The following CDH13 variants were observed in gnomAD, a reference collection of about 807,000 sequenced individuals.
CDH13 encodes the protein cadherin 13.
CDH13 carries 24 observed loss-of-function variants against 63.8 expected under a neutral mutation model. The ratio of observed to expected loss-of-function variants is 0.38; its 90% CI spans 0.27 to 0.53. CDH13 has a LOEUF of 0.53. Ranked by LOEUF, CDH13 falls within the 20% of genes least tolerant of loss-of-function variation. The pLI is 0.85. For synonymous variants in CDH13, 503 were observed against 355.3 expected (o/e 1.42, Z -4.67); for missense variants, 1,049 against 903.1 (o/e 1.16, Z -2.07).
chr16:83,583,191 G>A (rs141858281), intron 7 of CDH13, among the ~76,000 whole-genome samples: 1,929 of 152,188 alleles, frequency 0.013, 10 homozygotes, highest in Non-Finnish European at 0.018. Flanking sequence ...CTCCTATAAG[G>A]ATACTTGTAG....
chr16:82,864,656 C>T (rs975308693), intron 2 of CDH13, among the ~76,000 whole-genome samples: 4 of 152,180 alleles, frequency 2.6e-5, no homozygotes, highest in African/African-American at 9.7e-5. Context: ...TTATGGGAAT[C>T]ATGGGGATTA....
At chr16:83,308,164 T>G (rs982400300) in intron 5 of CDH13, among the ~76,000 whole-genome samples, 2 of 152,218 alleles carry the variant, frequency 1.3e-5, no homozygotes, top group South Asian at 2.1e-4. Flanking sequence ...ATATATTTTT[T>G]TTGTTGTTCT....
At chr16:83,063,861 C>T (rs2031787376) in intron 3 of CDH13, among the ~76,000 whole-genome samples, 1 of 152,084 alleles carries the variant, frequency 6.6e-6, no homozygotes, top group Non-Finnish European at 1.5e-5. Context: ...CTTCTTACAA[C>T]TTCAAAGGCA....
intron 1 of CDH13, among the ~76,000 whole-genome samples, chr16:82,807,088 C>G (rs990383414): frequency 1.4e-5 from 2 of 139,258 alleles, no homozygotes; most frequent in Non-Finnish European, 3.1e-5. Context: ...GGGATCATGC[C>G]TTTTTTTTTT....
chr16:82,810,992 C>G (rs1282809978), intron 1 of CDH13, among the ~76,000 whole-genome samples: 1 of 152,098 alleles, frequency 6.6e-6, no homozygotes, highest in Non-Finnish European at 1.5e-5. Flanking sequence ...TCTGCTGAAG[C>G]CTGGGCAGTC....
intron 2 of CDH13, among the ~76,000 whole-genome samples, chr16:82,987,572 T>C (rs1484596163): frequency 6.6e-6 from 1 of 152,180 alleles, no homozygotes; most frequent in Non-Finnish European, 1.5e-5. Context: ...AGACTGAGTT[T>C]CACTATGTTG....
At chr16:82,679,461 G>C (rs531067040) in intron 1 of CDH13, among the ~76,000 whole-genome samples, 2 of 152,322 alleles carry the variant, frequency 1.3e-5, no homozygotes, top group East Asian at 1.9e-4. Context: ...TGTGAGCATG[G>C]AAGGCTTAAA....
At position 82,803,183 on chromosome 16, in the gene CDH13, C is replaced by G. The variant is rs143952278; in HGVS notation, c.46-55179C>G. ...CTGGATAGGTCTAGGCTACTCTCAG[C>G]TTACCTACCATGTCTTTGTAAGATG... On this transcript the variant is annotated intron_variant, in intron 1 of 13. Transcript: ENST00000567109. Among the ~76,000 whole-genome samples, 637 of 152,312 alleles carry G rather than the reference C, an allele frequency of 4.2e-3. 4 individuals carry two copies. The highest frequency in any genetic ancestry group is 0.014 in the African/African-American group (596 of 41,568).
At chr16:82,854,218 T>G (rs963480350) in intron 1 of CDH13, among the ~76,000 whole-genome samples, 72 of 152,040 alleles carry the variant, frequency 4.7e-4, no homozygotes, top group Admixed American at 3.0e-3. Context: ...GCCAACATGT[T>G]GAAACTCTGT....
chr16:83,433,693 C>A (rs560009924), intron 6 of CDH13, among the ~76,000 whole-genome samples: 1 of 152,146 alleles, frequency 6.6e-6, no homozygotes, highest in Non-Finnish European at 1.5e-5. Context: ...TTGTGTGGAC[C>A]CGGTGACAAA....
At chr16:83,548,621 G>T (rs112665403) in intron 7 of CDH13, among the ~76,000 whole-genome samples, 3,188 of 152,256 alleles carry the variant, frequency 0.021, 131 homozygotes, top group African/African-American at 0.073. Context: ...GGGGTATGTG[G>T]TGTCAATGGA....
At chr16:82,831,559 G>T (rs1339346807) in intron 1 of CDH13, among the ~76,000 whole-genome samples, 1 of 152,124 alleles carries the variant, frequency 6.6e-6, no homozygotes, top group African/African-American at 2.4e-5. Flanking sequence ...CAATAAAGGG[G>T]CTGAGGTGAG....
intron 2 of CDH13, among the ~76,000 whole-genome samples, chr16:83,024,298 A>G (rs866751655): frequency 1.3e-5 from 2 of 152,234 alleles, no homozygotes; most frequent in African/African-American, 4.8e-5. Flanking sequence ...ATTTGAAAAA[A>G]TACCTGGCAT....
At chr16:83,206,298 C>T (rs4782754) in intron 4 of CDH13, among the ~76,000 whole-genome samples, 144,306 of 152,310 alleles carry the variant, frequency 0.95, 68,620 homozygotes, top group Non-Finnish European at 0.99. Context: ...CTTCCCTCTG[C>T]ACCATCTCAT....
chr16:83,197,455 T>G (rs1567498408), intron 4 of CDH13, among the ~76,000 whole-genome samples: 2 of 152,174 alleles, frequency 1.3e-5, no homozygotes. Flanking sequence ...TATGGTCACC[T>G]GTTCACCCCG....
At position 83,368,883 on chromosome 16, in the gene CDH13, G is replaced by GTTTT. The variant is rs1378216015; in HGVS notation, c.781+23879_781+23880insTTTT. On this transcript the variant is annotated intron_variant, in intron 6 of 13. Coordinates refer to ENST00000567109, the MANE Select transcript of CDH13 (RefSeq NM_001257.5). The stretch of plus-strand genomic sequence containing the variant: ...TTATGGCTGAGTAGTAGTATTCCAT[G>GTTTT]TTATATATATATATATATATATATA... 4.5e-3 allele frequency among the ~76,000 whole-genome samples: 113 copies of GTTTT among 25,304 alleles called. 1 individual carries two copies. Among genetic ancestry groups the GTTTT allele is most frequent in the Non-Finnish European group, 7.2e-3 (87 of 12,010 alleles). 16.6% of individuals were successfully genotyped at this position (25,304 alleles called of 152,430 possible).
At chr16:83,430,743 C>T (rs1207354014) in intron 6 of CDH13, among the ~76,000 whole-genome samples, 2 of 152,154 alleles carry the variant, frequency 1.3e-5, no homozygotes, top group Non-Finnish European at 2.9e-5. Context: ...CCTGTCTCTA[C>T]TTAATGGTAG....
At chr16:83,210,571 G>A (rs1403885813) in intron 4 of CDH13, among the ~76,000 whole-genome samples, 1 of 152,008 alleles carries the variant, frequency 6.6e-6, no homozygotes, top group Non-Finnish European at 1.5e-5. Flanking sequence ...ACTGTTCTAG[G>A]CTCTGAGGAC....
chr16:83,632,415 G>C (rs8047790), intron 8 of CDH13, among the ~76,000 whole-genome samples: 151,712 of 152,220 alleles, frequency 1, 75,604 homozygotes, highest in Middle Eastern at 1. Flanking sequence ...ATGAAGGCCA[G>C]CAGCTCCGTG....
Sources: gnomAD v4.1 joint callset for allele counts (sites outside exome capture counted in the v4.1 genomes callset) on GRCh38, gnomAD v4.1.1 for gene constraint, MANE v1.5 for transcripts, NCBI Gene and HGNC (gene_info 2026-07-23, HGNC 2026-07-21) for gene names.